The following THSD7B variants were observed in gnomAD, a reference collection of about 807,000 sequenced individuals.
THSD7B encodes thrombospondin type-1 domain-containing protein 7B.
In THSD7B, 138 loss-of-function variants were observed where a neutral mutation model predicts 213.6. The ratio of observed to expected loss-of-function variants is 0.65; its 90% CI spans 0.56 to 0.74. The LOEUF (loss-of-function observed/expected upper bound fraction) is 0.74, where lower values mean the gene tolerates loss of function less well. THSD7B is among the 30% of genes least tolerant of loss of function. The probability of loss-of-function intolerance (pLI) is 0.00; values close to 1 mark genes in which losing one functional copy is unlikely to be tolerated. For missense variants in THSD7B, 1,931 were observed against 1,991.5 expected, an observed-to-expected ratio of 0.97 and a Z score of 0.58; for synonymous variants, 742 against 687.0, an observed-to-expected ratio of 1.08 and a Z score of -1.25.
chr2:137,660,926 G>T (rs886842025), intron 25 of THSD7B, among the ~76,000 whole-genome samples: 1 of 152,126 alleles, frequency 6.6e-6, no homozygotes. Flanking sequence ...TTTTGTAGAA[G>T]ATTGAGGTGC....
intron 7 of THSD7B, among the ~76,000 whole-genome samples, chr2:137,179,891 T>C (rs1338007871): frequency 1.3e-5 from 2 of 152,180 alleles, no homozygotes; most frequent in African/African-American, 2.4e-5. Flanking sequence ...AAAACTTGAA[T>C]TGGTGTCCTT....
intron 12 of THSD7B, among the ~76,000 whole-genome samples, chr2:137,393,514 T>A (rs1686095934): frequency 6.7e-6 from 1 of 149,130 alleles, no homozygotes; most frequent in Non-Finnish European, 1.5e-5. Flanking sequence ...GGCTGCATAG[T>A]ATTCCATGGT....
intron 12 of THSD7B, among the ~76,000 whole-genome samples, chr2:137,362,111 G>A (rs1443492331): frequency 2.0e-5 from 3 of 152,110 alleles, no homozygotes; most frequent in Non-Finnish European, 4.4e-5. Flanking sequence ...TTTCAACCCA[G>A]AATTTCATAT....
At chr2:137,237,350 T>G (rs183967575) in intron 9 of THSD7B, among the ~76,000 whole-genome samples, 65 of 152,342 alleles carry the variant, frequency 4.3e-4, no homozygotes, top group Admixed American at 1.1e-3. Context: ...TCTGTTTCTC[T>G]GGGTTTCAAG....
intron 12 of THSD7B, among the ~76,000 whole-genome samples, chr2:137,284,992 C>G (rs1683134261): frequency 6.6e-6 from 1 of 152,070 alleles, no homozygotes; most frequent in South Asian, 2.1e-4. Flanking sequence ...CTAATGTTGA[C>G]AGTGGGGTGT....
At chr2:137,412,874 G>C (rs973346160) in intron 14 of THSD7B, among the ~76,000 whole-genome samples, 8 of 149,988 alleles carry the variant, frequency 5.3e-5, no homozygotes, top group Non-Finnish European at 1.0e-4. Context: ...TGAATTTCCT[G>C]CTCTGTTTTT....
rs554182677 is a variant in THSD7B at position 137,547,856 on chromosome 2, T to C, written c.3139-15365T>C. Among the ~76,000 whole-genome samples the C allele has an allele frequency of 3.9e-5, 6 of 152,056 alleles. No homozygotes were observed. The East Asian group carries it at 5.8e-4, about 15-fold the overall frequency. On this transcript the variant is annotated intron_variant, in intron 15 of 27. Coordinates refer to ENST00000409968, the MANE Select transcript of THSD7B (RefSeq NM_001316349.2). ...CAGTGCTGATTAAGAGATGGTAGCA[T>C]GGTGGGCCCGTAGCTCTCACTGCAT...
At chr2:137,641,599 G>A (rs577984227) in intron 20 of THSD7B, among the ~76,000 whole-genome samples, 69 of 152,312 alleles carry the variant, frequency 4.5e-4, no homozygotes, top group African/African-American at 1.6e-3. Context: ...GAGTGAGAGT[G>A]AAAGAGTACA....
At chr2:136,802,651 ATATATATATATAT>A (rs1682208829) in intron 1 of THSD7B, among the ~76,000 whole-genome samples, 1 of 83,354 alleles carries the variant, frequency 1.2e-5, no homozygotes, top group South Asian at 4.1e-4. Context: ...ATATATATAT[ATATATATATATAT>A]ATATATATAT....
intron 2 of THSD7B, among the ~76,000 whole-genome samples, chr2:137,001,029 AT>A (rs1363766013): frequency 1.3e-5 from 2 of 152,136 alleles, no homozygotes; most frequent in Non-Finnish European, 2.9e-5. Context: ...ACATTACAGA[AT>A]AAAAATAAGA....
intron 17 of THSD7B, among the ~76,000 whole-genome samples, chr2:137,574,739 CTTTAG>C (rs1180301361): frequency 1.3e-5 from 2 of 152,080 alleles, no homozygotes; most frequent in African/African-American, 2.4e-5. Context: ...TATTGCATAA[CTTTAG>C]TTAAGTTGCA....
At chr2:137,460,463 T>C (rs1044973140) in intron 15 of THSD7B, among the ~76,000 whole-genome samples, 2 of 152,156 alleles carry the variant, frequency 1.3e-5, no homozygotes, top group African/African-American at 4.8e-5. Context: ...AAATAAATTA[T>C]GCAGATTGCT....
At chr2:137,364,019 A>T (rs895686029) in intron 12 of THSD7B, among the ~76,000 whole-genome samples, 1 of 152,248 alleles carries the variant, frequency 6.6e-6, no homozygotes, top group Admixed American at 6.5e-5. Flanking sequence ...TGAATCCAGC[A>T]GCGCATCAAA....
chr2:137,358,966 G>A (rs1453292), intron 12 of THSD7B, among the ~76,000 whole-genome samples: 146,816 of 152,286 alleles, frequency 0.96, 71,002 homozygotes, highest in Middle Eastern at 1. Context: ...TTACTTATGG[G>A]CATTCATCAG....
rs115391274 is a variant in THSD7B, at chr2:136,915,070, G to A, written c.139+32753G>A. Among the ~76,000 whole-genome samples, 504 of 152,198 alleles carry A rather than the reference G, an allele frequency of 3.3e-3. 1 individual carries two copies. The highest frequency in any genetic ancestry group is 0.012 in the African/African-American group (478 of 41,532). ...CAAACATGCCTTCTGGGTTATCTTC[G>A]ATGGGAGTTGGACTGTTTGGGGCAT... is the stretch of plus-strand genomic sequence containing the variant. On this transcript the variant is annotated intron_variant, in intron 2 of 27. Transcript: ENST00000409968.
chr2:137,358,944 A>G (rs1685195194), intron 12 of THSD7B, among the ~76,000 whole-genome samples: 1 of 152,192 alleles, frequency 6.6e-6, no homozygotes, highest in Non-Finnish European at 1.5e-5. Context: ...CAGCTTTGTT[A>G]AAAGAAGGCT....
At chr2:137,454,408 GTCTGTCTGTCTGTCTGTCTATCTA>G (rs1431189061) in intron 15 of THSD7B, among the ~76,000 whole-genome samples, 5 of 117,152 alleles carry the variant, frequency 4.3e-5, no homozygotes, top group African/African-American at 1.7e-4. Flanking sequence ...CTGTCTGTCT[GTCTGTCTGTCTGTCTGTCTATCTA>G]TCTATCTATC....
At chr2:136,964,564 T>A (rs1685281292) in intron 2 of THSD7B, among the ~76,000 whole-genome samples, 4 of 152,224 alleles carry the variant, frequency 2.6e-5, no homozygotes, top group Admixed American at 2.6e-4. Flanking sequence ...TTTTGCGTTA[T>A]CAACACATTT....
Position 137,620,605 on chromosome 2 carries a change from G to T in THSD7B, c.3682-4G>T. On this transcript the variant is annotated splice_region_variant and splice_polypyrimidine_tract_variant and intron_variant, in intron 19 of 27. Coordinates refer to ENST00000409968, the MANE Select transcript of THSD7B (RefSeq NM_001316349.2). ...ATAAAGTTGTGTTTCATTTCCATTT[G>T]CAGCATAATTTGGAGAAGCCCCAGA... 1 of 1,608,064 alleles carries T rather than the reference G, an allele frequency of 6.2e-7. No homozygotes were observed. Among genetic ancestry groups the T allele is most frequent in the South Asian group, 1.1e-5 (1 of 90,830 alleles).
Sources: gnomAD v4.1 joint callset for allele counts (sites outside exome capture counted in the v4.1 genomes callset) on GRCh38, gnomAD v4.1.1 for gene constraint, MANE v1.5 for transcripts, NCBI Gene and HGNC (gene_info 2026-07-23, HGNC 2026-07-21) for gene names.